The following KCND2 variants were observed in gnomAD, a reference collection of about 807,000 sequenced individuals.
KCND2 encodes A-type voltage-gated potassium channel KCND2.
Under a neutral mutation model 54.4 loss-of-function variants are expected in KCND2, and 16 were observed. The observed-to-expected ratio is 0.29, with a 90% confidence interval of 0.20 to 0.45. The LOEUF is 0.45. KCND2 is among the 20% of genes least tolerant of loss of function. The probability of loss-of-function intolerance (pLI) is 1.00; values close to 1 mark genes in which losing one functional copy is unlikely to be tolerated. For synonymous variants in KCND2, 317 were observed against 310.7 expected, an observed-to-expected ratio of 1.02 and a Z score of -0.21; for missense variants, 486 against 824.2, an observed-to-expected ratio of 0.59 and a Z score of 5.02.
chr7:120,722,120 C>T lies in KCND2; in HGVS notation c.1116-10783C>T, dbSNP rs191362947. On this transcript the variant is annotated intron_variant, in intron 1 of 5. Transcript: ENST00000331113. ...ATAAATTGTCCAGTCTCAGGTATGT[C>T]TTTAGTAGCAGCATAAAAACAGACT... Among the ~76,000 whole-genome samples, 5 of 152,250 alleles carry T rather than the reference C, an allele frequency of 3.3e-5. No homozygotes were observed. The East Asian group carries it at 9.7e-4, about 29-fold the overall frequency.
At chr7:120,404,334 T>A (rs1801317437) in intron 1 of KCND2, among the ~76,000 whole-genome samples, 1 of 152,184 alleles carries the variant, frequency 6.6e-6, no homozygotes, top group Non-Finnish European at 1.5e-5. Flanking sequence ...ATGTCATTTT[T>A]TCCAACCTTT....
At chr7:120,455,273 G>T (rs62472317) in intron 1 of KCND2, among the ~76,000 whole-genome samples, 15,520 of 152,010 alleles carry the variant, frequency 0.1, 827 homozygotes, top group Admixed American at 0.13. Flanking sequence ...ATCAAGTTAC[G>T]TGACTTCAAA....
At chr7:120,406,134 A>G (rs910843765) in intron 1 of KCND2, among the ~76,000 whole-genome samples, 2 of 151,994 alleles carry the variant, frequency 1.3e-5, no homozygotes, top group Admixed American at 1.3e-4. Flanking sequence ...GAGGCATATG[A>G]TATCTGGTGA....
intron 1 of KCND2, among the ~76,000 whole-genome samples, chr7:120,286,573 GTCTC>G (rs1799348021): frequency 6.6e-6 from 1 of 151,928 alleles, no homozygotes; most frequent in Non-Finnish European, 1.5e-5. Context: ...ATTAGAGTAA[GTCTC>G]TATCACATCA....
intron 1 of KCND2, among the ~76,000 whole-genome samples, chr7:120,660,670 A>C (rs1791855157): frequency 6.6e-6 from 1 of 152,226 alleles, no homozygotes; most frequent in African/African-American, 2.4e-5. Context: ...CAATGGGATT[A>C]GTATAAAGTC....
intron 1 of KCND2, among the ~76,000 whole-genome samples, chr7:120,683,172 C>G (rs547555214): frequency 2.6e-4 from 39 of 152,254 alleles, no homozygotes; most frequent in African/African-American, 9.1e-4. Context: ...TATCAAGCAC[C>G]AAGCATCATG....
intron 1 of KCND2, among the ~76,000 whole-genome samples, chr7:120,329,120 C>CT (rs542875258): frequency 0.044 from 5,772 of 132,472 alleles, 150 homozygotes; most frequent in Non-Finnish European, 0.053. Flanking sequence ...CTAGCTTAGT[C>CT]TTTTTTTTTT....
At chr7:120,565,865 A>G (rs369425830) in intron 1 of KCND2, among the ~76,000 whole-genome samples, 24 of 152,340 alleles carry the variant, frequency 1.6e-4, no homozygotes, top group African/African-American at 5.5e-4. Flanking sequence ...CAATAGTCCC[A>G]CAAGGTGAGA....
At chr7:120,487,659 C>T (rs1802714181) in intron 1 of KCND2, among the ~76,000 whole-genome samples, 1 of 152,106 alleles carries the variant, frequency 6.6e-6, no homozygotes. Context: ...TGTGTGGTCT[C>T]CCCAATCCCT....
chr7:120,273,611 G>T lies in KCND2; in HGVS notation c.-1022G>T, dbSNP rs1282230966. On this transcript the variant is annotated 5_prime_UTR_variant, in exon 1 of 6. Coordinates refer to ENST00000331113, the MANE Select transcript of KCND2 (RefSeq NM_012281.3). ...GAGGAGGGAGGCACGGAGGGATGGG[G>T]GAAGGGAAAGAAGAGCTCGCTTGAG... The T allele has an allele frequency of 6.5e-6, 1 of 152,762 alleles. No individual in the cohort carries two copies. Among genetic ancestry groups the T allele is most frequent in the Non-Finnish European group, 1.5e-5 (1 of 68,316 alleles). 9.5% of individuals were successfully genotyped at this position (152,762 alleles called of 1,614,324 possible).
chr7:120,538,861 G>C (rs547853211), intron 1 of KCND2, among the ~76,000 whole-genome samples: 1 of 152,192 alleles, frequency 6.6e-6, no homozygotes, highest in South Asian at 2.1e-4. Flanking sequence ...CAGGGGCTGT[G>C]GATATACAGG....
At chr7:120,680,710 A>C (rs1792128659) in intron 1 of KCND2, among the ~76,000 whole-genome samples, 1 of 152,234 alleles carries the variant, frequency 6.6e-6, no homozygotes, top group African/African-American at 2.4e-5. Flanking sequence ...ATAATACAAT[A>C]GTATATAAGC....
chr7:120,554,006 C>A (rs1255318453), intron 1 of KCND2, among the ~76,000 whole-genome samples: 2 of 152,120 alleles, frequency 1.3e-5, no homozygotes, highest in Non-Finnish European at 2.9e-5. Context: ...AATTCACATC[C>A]TCAAGGGCCT....
At chr7:120,445,010 G>T (rs1328121169) in intron 1 of KCND2, among the ~76,000 whole-genome samples, 3 of 152,130 alleles carry the variant, frequency 2.0e-5, no homozygotes, top group African/African-American at 2.4e-5. Context: ...ACAAAGAAAT[G>T]TCAGGCTGAA....
chr7:120,558,421 CTACA>C (rs1385345671), intron 1 of KCND2, among the ~76,000 whole-genome samples: 1 of 152,118 alleles, frequency 6.6e-6, no homozygotes, highest in Non-Finnish European at 1.5e-5. Context: ...CCTATTCCTT[CTACA>C]CACAAACACA....
At chr7:120,735,997 A>G (rs1230797738) in intron 2 of KCND2, among the ~76,000 whole-genome samples, 1 of 152,074 alleles carries the variant, frequency 6.6e-6, no homozygotes, top group Non-Finnish European at 1.5e-5. Context: ...GGACTGGGCT[A>G]TGTGCCAAAT....
intron 1 of KCND2, among the ~76,000 whole-genome samples, chr7:120,319,833 A>G (rs1157427243): frequency 6.6e-6 from 1 of 152,096 alleles, no homozygotes; most frequent in African/African-American, 2.4e-5. Flanking sequence ...AATCAATATT[A>G]TATTTTATGT....
intron 1 of KCND2, among the ~76,000 whole-genome samples, chr7:120,358,375 A>C (rs1320524787): frequency 1.3e-5 from 2 of 152,108 alleles, no homozygotes; most frequent in African/African-American, 4.8e-5. Context: ...CAATGCATAA[A>C]TCTGCATTGG....
chr7:120,686,318 T>G (rs981877091), intron 1 of KCND2, among the ~76,000 whole-genome samples: 2 of 152,254 alleles, frequency 1.3e-5, no homozygotes, highest in Non-Finnish European at 1.5e-5. Flanking sequence ...AGTTTCAAAT[T>G]TTTGAGAAAC....
Sources: allele counts gnomAD v4.1 joint callset (sites outside exome capture counted in the v4.1 genomes callset), GRCh38; gene constraint gnomAD v4.1.1; transcripts MANE v1.5; gene names NCBI Gene and HGNC (gene_info 2026-07-23, HGNC 2026-07-21).